Variants in TRMU observed in about 807,000 individuals in gnomAD.
The protein encoded by TRMU is tRNA mitochondrial 2-thiouridylase, also known as mitochondrial tRNA-specific 2-thiouridylase 1.
Under a neutral mutation model 46.9 loss-of-function variants are expected in TRMU, and 49 were observed. That is an observed-to-expected ratio of 1.05 (90% confidence interval 0.83 to 1.33). The LOEUF is 1.33. TRMU is among the 40% of genes most tolerant of loss of function. The pLI is 0.00. For synonymous variants in TRMU, 241 were observed against 200.9 expected, an observed-to-expected ratio of 1.20 and a Z score of -1.69; for missense variants, 572 against 532.4, an observed-to-expected ratio of 1.07 and a Z score of -0.73.
Position 46,351,015 on chromosome 22 carries a change from T to C in TRMU, c.651+552T>C, listed in dbSNP as rs35730106. Among the ~76,000 whole-genome samples, 779 of 152,004 alleles carry C rather than the reference T, an allele frequency of 5.1e-3. 4 individuals are homozygous for C. Among genetic ancestry groups the C allele is most frequent in the Middle Eastern group, 0.031 (9 of 294 alleles). On this transcript the variant is annotated intron_variant, in intron 5 of 10. Coordinates refer to ENST00000645190, the MANE Select transcript of TRMU (RefSeq NM_018006.5). This position sits in a 1 kb window ranked among gnomAD's most constrained non-coding sequence, Gnocchi z 6.4. The stretch of plus-strand genomic sequence containing the variant: ...GGCCAATCAGTGTAAACCTAGAAAA[T>C]GTCTACGGAGGGAGGTGTAGGACCC...
In TRMU at chr22:46,348,810, A is replaced by G. The variant is rs1311039337; in HGVS notation, c.479-1481A>G. On this transcript the variant is annotated intron_variant, in intron 4 of 10. Coordinates refer to ENST00000645190, the MANE Select transcript of TRMU (RefSeq NM_018006.5). This position sits in a 1 kb window ranked among gnomAD's most constrained non-coding sequence, Gnocchi z 4.8. ...TTTTCTGAGGCTTTTACACACATGC[A>G]GTGTTTGACTGCAGTTAGTTTGGGA... Among the ~76,000 whole-genome samples, 5 of 152,190 alleles carry G rather than the reference A, an allele frequency of 3.3e-5. No homozygotes were observed. The highest frequency in any genetic ancestry group is 1.2e-4 in the African/African-American group (5 of 41,446).
Position 46,338,256 on chromosome 22 carries a change from C to A in TRMU, c.248+312C>A. On this transcript the variant is annotated intron_variant, in intron 2 of 10. Coordinates refer to ENST00000645190, the MANE Select transcript of TRMU (RefSeq NM_018006.5). This position sits in a 1 kb window ranked among gnomAD's most constrained non-coding sequence, Gnocchi z 4.5. ...ATAGGGGAGCTAAGGCTGAGGGCTCCCCTGGAAGGTGAGCACCAATGCCTG... is the reference window on the plus strand; with the variant it reads ...ATAGGGGAGCTAAGGCTGAGGGCTCACCTGGAAGGTGAGCACCAATGCCTG... The A allele has an allele frequency of 2.6e-6, 1 of 391,570 alleles. No individual in the cohort carries two copies. The highest frequency in any genetic ancestry group is 4.9e-6 in the Non-Finnish European group (1 of 204,634). 24.3% of individuals were successfully genotyped at this position (391,570 alleles called of 1,614,324 possible).
intron 1 of TRMU, among the ~76,000 whole-genome samples, 166 bp from the exon 2 acceptor site, chr22:46,337,613 G>C (rs1405087391): frequency 1.3e-5 from 2 of 152,184 alleles, no homozygotes; most frequent in African/African-American, 4.8e-5. Flanking sequence ...CACCAAGATG[G>C]AAACCGGATC....
At chr22:46,343,214 TG>T (rs1317985939) in intron 2 of TRMU, 47 bp from the exon 3 acceptor site, 5 of 1,308,220 alleles carry the variant, frequency 3.8e-6, no homozygotes, top group African/African-American at 3.0e-5. Flanking sequence ...TTTTTTTTTT[TG>T]AGGAATGTTT....
rs1030335547 is a variant in TRMU, at chr22:46,338,054, C to T, written c.248+110C>T. The T allele has an allele frequency of 2.0e-6, 3 of 1,494,276 alleles. No homozygotes were observed. The highest frequency in any genetic ancestry group is 1.1e-5 in the South Asian group (1 of 87,840). 92.6% of individuals were successfully genotyped at this position (1,494,276 alleles called of 1,614,324 possible). On this transcript the variant is annotated intron_variant, in intron 2 of 10. Coordinates refer to ENST00000645190, the MANE Select transcript of TRMU (RefSeq NM_018006.5). The surrounding 1 kb of genome is among the most constrained non-coding windows in gnomAD (Gnocchi z 4.5). Reference sequence around the variant, plus strand: ...GCCTGTGCTGCAGCCCAGCGCTCTCCCTCCACGGTGGTGCTGAAGACTGCA... The same window carrying T: ...GCCTGTGCTGCAGCCCAGCGCTCTCTCTCCACGGTGGTGCTGAAGACTGCA...
Position 46,351,639 on chromosome 22 carries a change from C to T in TRMU, c.652-482C>T. 3.8e-6 allele frequency: 1 copy of T among 259,864 alleles called. No individual in the cohort carries two copies. Among genetic ancestry groups the T allele is most frequent in the Non-Finnish European group, 7.6e-6 (1 of 132,118 alleles). 16.1% of individuals were successfully genotyped at this position (259,864 alleles called of 1,614,324 possible). On this transcript the variant is annotated intron_variant, in intron 5 of 10. Transcript: ENST00000645190. The surrounding 1 kb of genome is among the most constrained non-coding windows in gnomAD (Gnocchi z 6.4). ...CAAACCAGAGTAAACGATGCAGCCC[C>T]TGATGGGGCCACGGTGGAGAGCGCA...
At chr22:46,346,698 A>T (rs1341191874) in intron 4 of TRMU, among the ~76,000 whole-genome samples, 154 bp downstream of exon 4, 1 of 152,190 alleles carries the variant, frequency 6.6e-6, no homozygotes, top group African/African-American at 2.4e-5. Context: ...AGGTGCAGTT[A>T]CCAAGAGGAC....
chr22:46,346,641 C>G, intron 4 of TRMU, 97 bp downstream of exon 4: 1 of 1,414,392 alleles, frequency 7.1e-7, no homozygotes, highest in Non-Finnish European at 9.8e-7. Flanking sequence ...CACTGCCACC[C>G]CTCCCTCTGT....
Position 46,351,257 on chromosome 22 carries a change from C to T in TRMU, c.651+794C>T, listed in dbSNP as rs985545666. ...GGGGTGCCTGCCTGTGGCCCCAGCT[C>T]CTCAGGAGGATCGAGCGCACCCAGG... is the stretch of plus-strand genomic sequence containing the variant. On this transcript the variant is annotated intron_variant, in intron 5 of 10. Coordinates refer to ENST00000645190, the MANE Select transcript of TRMU (RefSeq NM_018006.5). This position sits in a 1 kb window ranked among gnomAD's most constrained non-coding sequence, Gnocchi z 6.4. Among the ~76,000 whole-genome samples, 1 of 152,168 alleles carries T rather than the reference C, an allele frequency of 6.6e-6. No homozygotes were observed. Among genetic ancestry groups the T allele is most frequent in the Non-Finnish European group, 1.5e-5 (1 of 68,032 alleles).
At chr22:46,352,957 C>T (rs1353832172) in intron 7 of TRMU, 2 of 181,784 alleles carry the variant, frequency 1.1e-5, no homozygotes, top group Non-Finnish European at 2.4e-5. Context: ...GGTCTTGACA[C>T]AGCACAGACC....
At chr22:46,353,917 C>T in intron 8 of TRMU, 50 bp downstream of exon 8, 3 of 1,573,216 alleles carry the variant, frequency 1.9e-6, no homozygotes, top group Non-Finnish European at 2.6e-6. Flanking sequence ...CTGGCAGGGC[C>T]AGCAGTGCTT....
rs565182369 is a variant in TRMU, at chr22:46,343,408, CAG to C, written c.355+41_355+42del. 187 of 1,456,830 alleles carry C rather than the reference CAG, an allele frequency of 1.3e-4. No individual in the cohort carries two copies. In the African/African-American group the frequency reaches 2.3e-3, roughly 18 times the overall value. 90.2% of individuals were successfully genotyped at this position (1,456,830 alleles called of 1,614,324 possible). ...TTTAAAACATTTTTTTTTTTAAAGA[CAG>C]GGTCTCGCTCTGTCACCCAGGCTGG... On this transcript the variant is annotated intron_variant, in intron 3 of 10. Coordinates refer to ENST00000645190, the MANE Select transcript of TRMU (RefSeq NM_018006.5).
intron 10 of TRMU, 92 bp downstream of exon 10, chr22:46,356,164 A>G (rs2078602353): frequency 1.4e-6 from 2 of 1,447,662 alleles, no homozygotes; most frequent in Admixed American, 3.5e-5. Flanking sequence ...GCTGAGGCCC[A>G]GGAGTAGGGT....
At chr22:46,335,867 G>GCC (rs142322338) in intron 1 of TRMU, 21 bp downstream of exon 1, 216 of 1,527,746 alleles carry the variant, frequency 1.4e-4, no homozygotes, top group African/African-American at 5.7e-4. Context: ...CGAGGCTCCC[G>GCC]CCCCCCGCCG....
chr22:46,336,161 T>G lies in TRMU; in HGVS notation c.82+315T>G. On this transcript the variant is annotated intron_variant, in intron 1 of 10. Transcript: ENST00000645190. The surrounding 1 kb of genome is among the most constrained non-coding windows in gnomAD (Gnocchi z 4.1). ...GGGAGGGAAGGGTTTCTCACGGATC[T>G]GCGGCGTCCACATTCACCTGTGAGA... is the stretch of plus-strand genomic sequence containing the variant. The G allele has an allele frequency of 7.9e-7, 1 of 1,262,620 alleles. No individual in the cohort carries two copies. Among genetic ancestry groups the G allele is most frequent in the East Asian group, 4.2e-5 (1 of 23,630 alleles). 78.2% of individuals were successfully genotyped at this position (1,262,620 alleles called of 1,614,324 possible).
chr22:46,345,602 C>T (rs1289594282), intron 3 of TRMU, among the ~76,000 whole-genome samples: 1 of 152,144 alleles, frequency 6.6e-6, no homozygotes, highest in African/African-American at 2.4e-5. Flanking sequence ...TCAACTGTTT[C>T]TGTACAGTAA....
At position 46,349,485 on chromosome 22, in the gene TRMU, G is replaced by A. The variant is rs967481996; in HGVS notation, c.479-806G>A. Among the ~76,000 whole-genome samples, 29 of 152,246 alleles carry A rather than the reference G, an allele frequency of 1.9e-4. No homozygotes were observed. The highest frequency in any genetic ancestry group is 5.5e-4 in the African/African-American group (23 of 41,466). ...GGAAGGGTAGGTGTGCTGTCTGACC[G>A]TCACGGCATGTGGCGTGCTCTGAGT... On this transcript the variant is annotated intron_variant, in intron 4 of 10. Transcript: ENST00000645190. This position sits in a 1 kb window ranked among gnomAD's most constrained non-coding sequence, Gnocchi z 4.6.
At position 46,339,268 on chromosome 22, in the gene TRMU, G is replaced by A. The variant is rs147105532; in HGVS notation, c.248+1324G>A. ...AGGTTCAAGCGATTCTCATGCCTCA[G>A]CCTCCCAAGTAGCTGGGATTATAGG... On this transcript the variant is annotated intron_variant, in intron 2 of 10. Transcript: ENST00000645190. This position sits in a 1 kb window ranked among gnomAD's most constrained non-coding sequence, Gnocchi z 4.8. Among the ~76,000 whole-genome samples, 123 of 152,254 alleles carry A rather than the reference G, an allele frequency of 8.1e-4. 1 individual carries two copies. Among genetic ancestry groups the A allele is most frequent in the Middle Eastern group, 3.4e-3 (1 of 294 alleles).
In TRMU at chr22:46,339,428, G is replaced by A. The variant is rs761809648; in HGVS notation, c.248+1484G>A. On this transcript the variant is annotated intron_variant, in intron 2 of 10. Transcript: ENST00000645190. The surrounding 1 kb of genome is among the most constrained non-coding windows in gnomAD (Gnocchi z 4.8). ...GCCTCCCAAAGTGCTGGGATTACAG[G>A]CGTGAGCCACCACGCCAGCCTGCTA... 2.0e-5 allele frequency among the ~76,000 whole-genome samples: 3 copies of A among 152,216 alleles called. No homozygotes were observed. Among genetic ancestry groups the A allele is most frequent in the Non-Finnish European group, 4.4e-5 (3 of 68,038 alleles).
Sources: allele counts gnomAD v4.1 joint callset (sites outside exome capture counted in the v4.1 genomes callset), GRCh38; gene constraint gnomAD v4.1.1; non-coding constraint Gnocchi (gnomAD v3.1); transcripts MANE v1.5; gene names NCBI Gene and HGNC (gene_info 2026-07-23, HGNC 2026-07-21).